The following ABLIM2 variants were observed in gnomAD, a reference collection of about 807,000 sequenced individuals.
ABLIM2 encodes the protein actin binding LIM protein family member 2.
ABLIM2 carries 53 observed loss-of-function variants against 97.7 expected under a neutral mutation model. That is an observed-to-expected ratio of 0.54 (90% CI 0.44 to 0.68). The LOEUF (loss-of-function observed/expected upper bound fraction) is 0.68. Among genes scored for constraint, ABLIM2 ranks in the 30% least tolerant of loss-of-function variants. The pLI is 0.00. For missense variants in ABLIM2, 835 were observed against 867.2 expected (o/e 0.96, Z 0.47); for synonymous variants, 361 against 345.8 (o/e 1.04, Z -0.49).
chr4:8,016,137 C>T (rs891658797), intron 14 of ABLIM2, among the ~76,000 whole-genome samples: 5 of 149,878 alleles, frequency 3.3e-5, no homozygotes, highest in Non-Finnish European at 5.9e-5. Context: ...CTCTGCCTCC[C>T]GGGTTCAAGC....
intron 9 of ABLIM2, among the ~76,000 whole-genome samples, chr4:8,039,184 A>G (rs932462728): frequency 5.3e-5 from 8 of 152,274 alleles, no homozygotes; most frequent in Admixed American, 2.0e-4. Flanking sequence ...ACAAAAGCCA[A>G]TCAAGCATTT....
Position 8,046,138 on chromosome 4 carries a change from C to T in ABLIM2, c.823-897G>A, listed in dbSNP as rs1416853179. On this transcript the variant is annotated intron_variant, in intron 8 of 20. Coordinates refer to ENST00000447017, the MANE Select transcript of ABLIM2 (RefSeq NM_001130083.2). The surrounding 1 kb of genome is among the most constrained non-coding windows in gnomAD (Gnocchi z 4.4). Reference sequence around the variant, plus strand: ...ACGCCTGGGACCTGTGTCCTCCTTACATGCTCGCTGCTGTCTGGGGCCACT... The same window carrying T: ...ACGCCTGGGACCTGTGTCCTCCTTATATGCTCGCTGCTGTCTGGGGCCACT... Among the ~76,000 whole-genome samples the T allele has an allele frequency of 2.0e-5, 3 of 152,168 alleles. No individual in the cohort carries two copies. The highest frequency in any genetic ancestry group is 7.2e-5 in the African/African-American group (3 of 41,438).
intron 17 of ABLIM2, among the ~76,000 whole-genome samples, chr4:7,987,535 T>C (rs1407959768): frequency 2.0e-5 from 3 of 152,224 alleles, no homozygotes; most frequent in African/African-American, 7.2e-5. Context: ...GCCTTGTCTT[T>C]GCCACCTGGC....
chr4:8,103,822 C>T (rs1047258852), intron 2 of ABLIM2, among the ~76,000 whole-genome samples: 1 of 152,206 alleles, frequency 6.6e-6, no homozygotes, highest in Non-Finnish European at 1.5e-5. Context: ...GAGCTTGACT[C>T]GGGTCTGATG....
In ABLIM2 at chr4:8,095,724, A is replaced by G. The variant is rs1831225481; in HGVS notation, c.338+1375T>C. 6.6e-6 allele frequency among the ~76,000 whole-genome samples: 1 copy of G among 152,084 alleles called. No homozygotes were observed. The highest frequency in any genetic ancestry group is 6.6e-5 in the Admixed American group (1 of 15,262). On this transcript the variant is annotated intron_variant, in intron 3 of 20. Transcript: ENST00000447017. This position sits in a 1 kb window ranked among gnomAD's most constrained non-coding sequence, Gnocchi z 4.7. Reference sequence around the variant, plus strand: ...GGCTCGTTTTGTGCTTTGGTAGAGCAGGTTCACTGTAGCCTTCGCTCTAGG... The same window carrying G: ...GGCTCGTTTTGTGCTTTGGTAGAGCGGGTTCACTGTAGCCTTCGCTCTAGG...
chr4:8,042,801 G>A (rs1408715813), intron 9 of ABLIM2, among the ~76,000 whole-genome samples: 2 of 149,436 alleles, frequency 1.3e-5, no homozygotes, highest in African/African-American at 2.5e-5. Context: ...ATGGAGCCGT[G>A]GCACTCCAGC....
intron 11 of ABLIM2, 132 bp downstream of exon 11, chr4:8,029,524 C>G (rs914051475): frequency 2.2e-5 from 27 of 1,201,526 alleles, no homozygotes; most frequent in Non-Finnish European, 3.0e-5. Context: ...GGCAATCCCA[C>G]CCATTTCCAT....
rs1056566689 is a variant in ABLIM2, at chr4:8,058,008, G to A, written c.763+2959C>T. Among the ~76,000 whole-genome samples, 21 of 152,230 alleles carry A rather than the reference G, an allele frequency of 1.4e-4. No homozygotes were observed. The highest frequency in any genetic ancestry group is 4.1e-4 in the South Asian group (2 of 4,832). ...CTGAGAAATCCAAGTTAGGAGAGGG[G>A]ACAGGCCTGGGTTCGACATCCCACA... On this transcript the variant is annotated intron_variant, in intron 7 of 20. Transcript: ENST00000447017. The surrounding 1 kb of genome is among the most constrained non-coding windows in gnomAD (Gnocchi z 4.2).
intron 16 of ABLIM2, 89 bp downstream of exon 16, chr4:8,007,970 A>G: frequency 1.3e-6 from 2 of 1,565,644 alleles, no homozygotes; most frequent in South Asian, 2.4e-5. Context: ...CAAGGCTTAG[A>G]TGTAGGGGGA....
chr4:8,085,300 T>A lies in ABLIM2; in HGVS notation c.454+2869A>T, dbSNP rs1335725381. Among the ~76,000 whole-genome samples the A allele has an allele frequency of 1.3e-5, 2 of 152,246 alleles. No individual in the cohort carries two copies. Among genetic ancestry groups the A allele is most frequent in the East Asian group, 3.9e-4 (2 of 5,164 alleles). On this transcript the variant is annotated intron_variant, in intron 4 of 20. Coordinates refer to ENST00000447017, the MANE Select transcript of ABLIM2 (RefSeq NM_001130083.2). The surrounding 1 kb of genome is among the most constrained non-coding windows in gnomAD (Gnocchi z 6.1). ...TGGCCAGGCAGACGGTGCTGCTTCC[T>A]ACATTCTGGACTGACTTGACTCTAC...
intron 11 of ABLIM2, 130 bp from the exon 12 acceptor site, chr4:8,027,987 C>T (rs991879628): frequency 5.3e-5 from 33 of 626,294 alleles, no homozygotes; most frequent in Non-Finnish European, 8.1e-5. Flanking sequence ...CTTTTTGCAC[C>T]TGAAGGTGGT....
chr4:7,966,858 G>T lies in ABLIM2; in HGVS notation c.*132C>A. 1 of 346,410 alleles carries T rather than the reference G, an allele frequency of 2.9e-6. No homozygotes were observed. Among genetic ancestry groups the T allele is most frequent in the African/African-American group, 2.1e-5 (1 of 46,658 alleles). The allele number at this position is 346,410 out of a possible 1,614,324, so 21.5% of individuals were successfully genotyped here. A position where few individuals can be genotyped will look rare whatever the true frequency, so the allele number is the denominator to read the frequency against. On this transcript the variant is annotated 3_prime_UTR_variant, in exon 21 of 21. Coordinates refer to ENST00000447017, the MANE Select transcript of ABLIM2 (RefSeq NM_001130083.2). ...CAGGTGCAGGGGCCGCACCTGCTGG[G>T]GGACCCCCTCCCGCCCACCCCATGG... is the stretch of plus-strand genomic sequence containing the variant.
intron 16 of ABLIM2, chr4:8,007,787 G>A (rs1560566448): frequency 3.2e-6 from 4 of 1,250,972 alleles, no homozygotes; most frequent in East Asian, 3.5e-5. Context: ...GCAGGTCTGG[G>A]TTTCTGCATT....
chr4:8,126,449 C>T (rs1443871514), intron 1 of ABLIM2, among the ~76,000 whole-genome samples: 2 of 150,218 alleles, frequency 1.3e-5, no homozygotes, highest in African/African-American at 4.9e-5. Context: ...CCTCTCCCCT[C>T]ATCTCACTCC....
intron 5 of ABLIM2, among the ~76,000 whole-genome samples, chr4:8,078,656 G>C (rs1817843924): frequency 6.6e-6 from 1 of 152,212 alleles, no homozygotes; most frequent in African/African-American, 2.4e-5. Flanking sequence ...GAGTGAACAG[G>C]CCTGTGCTCA....
chr4:8,156,604 A>G (rs1360934531), intron 1 of ABLIM2, among the ~76,000 whole-genome samples: 1 of 152,246 alleles, frequency 6.6e-6, no homozygotes, highest in Non-Finnish European at 1.5e-5. Flanking sequence ...CACGAGGGTT[A>G]GACAGGCTGC....
chr4:7,993,849 G>A (rs1455762786), intron 16 of ABLIM2: 11 of 464,558 alleles, frequency 2.4e-5, no homozygotes, highest in Non-Finnish European at 3.5e-5. Context: ...GCCTTTCCCA[G>A]CCCCCACCGA....
In ABLIM2 at chr4:8,082,684, T is replaced by C. The variant is rs1474365074; in HGVS notation, c.455-1882A>G. Among the ~76,000 whole-genome samples, 1 of 152,220 alleles carries C rather than the reference T, an allele frequency of 6.6e-6. No homozygotes were observed. Among genetic ancestry groups the C allele is most frequent in the Non-Finnish European group, 1.5e-5 (1 of 68,036 alleles). ...AACTCTGAGGGAAAGGGGGGCCTCTTACTCATTTCAGGACCCTGGATGCCC... is the reference window on the plus strand; with the variant it reads ...AACTCTGAGGGAAAGGGGGGCCTCTCACTCATTTCAGGACCCTGGATGCCC... On this transcript the variant is annotated intron_variant, in intron 4 of 20. Transcript: ENST00000447017. This position sits in a 1 kb window ranked among gnomAD's most constrained non-coding sequence, Gnocchi z 5.6.
At position 8,079,829 on chromosome 4, in the gene ABLIM2, A is replaced by G. The variant is rs571982799; in HGVS notation, c.581+847T>C. ...CACAGGGCGTTTTTCATCCCCATCA[A>G]TTCCTGTGATGATTTTGTTCCCATT... On this transcript the variant is annotated intron_variant, in intron 5 of 20. Transcript: ENST00000447017. 1.4e-4 allele frequency among the ~76,000 whole-genome samples: 21 copies of G among 152,190 alleles called. No homozygotes were observed. The South Asian group carries it at 4.2e-3, about 30-fold the overall frequency.
Sources: allele counts gnomAD v4.1 joint callset (sites outside exome capture counted in the v4.1 genomes callset), GRCh38; gene constraint gnomAD v4.1.1; non-coding constraint Gnocchi (gnomAD v3.1); transcripts MANE v1.5; gene names NCBI Gene and HGNC (gene_info 2026-07-23, HGNC 2026-07-21).